MEGF10: variants seen among roughly 807,000 people sequenced by gnomAD.
MEGF10 encodes the protein multiple epidermal growth factor-like domains protein 10.
Under a neutral mutation model 147.5 loss-of-function variants are expected in MEGF10, and 86 were observed. That is an observed-to-expected ratio of 0.58 (90% confidence interval 0.49 to 0.70). The LOEUF (loss-of-function observed/expected upper bound fraction) is 0.70. MEGF10 is among the 30% of genes least tolerant of loss of function. MEGF10 has a pLI of 0.00. For missense variants in MEGF10, 1,329 were observed against 1,487.3 expected, an observed-to-expected ratio of 0.89 and a Z score of 1.75; for synonymous variants, 478 against 525.5, an observed-to-expected ratio of 0.91 and a Z score of 1.24.
At chr5:127,454,147 G>A (rs979232961) in intron 22 of MEGF10, among the ~76,000 whole-genome samples, 4 of 152,196 alleles carry the variant, frequency 2.6e-5, no homozygotes, top group African/African-American at 9.6e-5. Context: ...CATGCTTATA[G>A]TGAAGACAAT....
intron 1 of MEGF10, among the ~76,000 whole-genome samples, chr5:127,313,201 A>C (rs1012768832): frequency 3.9e-5 from 6 of 152,166 alleles, no homozygotes; most frequent in Admixed American, 1.3e-4. Context: ...ACACGGCTCT[A>C]TGGGATCGTG....
At chr5:127,243,966 G>C in the MEGF10 span, among the ~76,000 whole-genome samples, 13,391 of 152,000 alleles carry the variant, frequency 0.088, 915 homozygotes, top group African/African-American at 0.19. Flanking sequence ...GGAGGTGGAG[G>C]CAGGCGGATC....
chr5:127,231,015 A>G, the MEGF10 span, among the ~76,000 whole-genome samples: 10 of 152,092 alleles, frequency 6.6e-5, no homozygotes, highest in Non-Finnish European at 1.5e-4. Flanking sequence ...CTTTTAGCCC[A>G]AATCTGGACA....
the MEGF10 span, among the ~76,000 whole-genome samples, chr5:127,255,066 G>C: frequency 0.047 from 7,128 of 151,766 alleles, 277 homozygotes; most frequent in African/African-American, 0.1. Flanking sequence ...CTGTTGATTG[G>C]TTGGGGATGA....
At chr5:127,440,441 G>A (rs980447899) in intron 17 of MEGF10, among the ~76,000 whole-genome samples, 3 of 152,154 alleles carry the variant, frequency 2.0e-5, no homozygotes, top group Admixed American at 2.0e-4. Context: ...ATTCTTCCAG[G>A]ATTGAAGGGA....
At chr5:127,364,115 T>C (rs1232154998) in intron 4 of MEGF10, among the ~76,000 whole-genome samples, 1 of 152,224 alleles carries the variant, frequency 6.6e-6, no homozygotes, top group Non-Finnish European at 1.5e-5. Context: ...TTATAACAGT[T>C]TTGTTGAGAT....
intron 1 of MEGF10, among the ~76,000 whole-genome samples, chr5:127,295,919 G>C (rs556995554): frequency 3.5e-4 from 53 of 152,210 alleles, no homozygotes; most frequent in Middle Eastern, 6.8e-3. Context: ...TTCTAGCTTA[G>C]CATAAGCCTG....
intron 4 of MEGF10, among the ~76,000 whole-genome samples, chr5:127,364,535 A>G (rs186416346): frequency 6.6e-6 from 1 of 152,350 alleles, no homozygotes; most frequent in East Asian, 1.9e-4. Flanking sequence ...GTGCATCAGT[A>G]CATATTAAAC....
At chr5:127,264,197 TGTG>T in the MEGF10 span, among the ~76,000 whole-genome samples, 3 of 152,144 alleles carry the variant, frequency 2.0e-5, no homozygotes, top group Non-Finnish European at 4.4e-5. Context: ...AACTCAAGGA[TGTG>T]GTATCAATAT....
intron 4 of MEGF10, among the ~76,000 whole-genome samples, chr5:127,369,309 A>T (rs990103802): frequency 6.6e-6 from 1 of 152,136 alleles, no homozygotes; most frequent in African/African-American, 2.4e-5. Context: ...GAGTACACCT[A>T]AGATCTTTAC....
the MEGF10 span, among the ~76,000 whole-genome samples, chr5:127,272,819 A>G: frequency 1.3e-5 from 2 of 152,210 alleles, no homozygotes; most frequent in Non-Finnish European, 2.9e-5. Context: ...CAGCTTAAGA[A>G]GCTTTTAGGT....
At chr5:127,282,735 G>A in the MEGF10 span, among the ~76,000 whole-genome samples, 1 of 152,130 alleles carries the variant, frequency 6.6e-6, no homozygotes, top group Non-Finnish European at 1.5e-5. Flanking sequence ...CCACTTTTCT[G>A]TGCTTCTGGA....
chr5:127,386,717 T>C (rs1763449385), intron 5 of MEGF10, among the ~76,000 whole-genome samples: 1 of 152,234 alleles, frequency 6.6e-6, no homozygotes, highest in Non-Finnish European at 1.5e-5. Context: ...CTTTCTGGCA[T>C]GAATGATTCA....
At chr5:127,290,312 C>A (rs559470187), upstream of MEGF10, among the ~76,000 whole-genome samples, 5 of 152,246 alleles carry the variant, frequency 3.3e-5, no homozygotes, top group African/African-American at 1.2e-4. Context: ...TAATCACCAT[C>A]CTTTCTGGGT....
At chr5:127,275,995 A>G in the MEGF10 span, among the ~76,000 whole-genome samples, 1 of 152,240 alleles carries the variant, frequency 6.6e-6, no homozygotes, top group South Asian at 2.1e-4. Context: ...TGGGTCAGCC[A>G]GCCCAAAGGG....
At chr5:127,326,411 A>G (rs181431640) in intron 1 of MEGF10, among the ~76,000 whole-genome samples, 310 of 152,304 alleles carry the variant, frequency 2.0e-3, no homozygotes, top group South Asian at 0.016. Context: ...ATAATATGTT[A>G]TTAGAATAAC....
At chr5:127,283,647 G>A in the MEGF10 span, among the ~76,000 whole-genome samples, 3 of 152,154 alleles carry the variant, frequency 2.0e-5, no homozygotes, top group South Asian at 2.1e-4. Context: ...AAGCATCCAC[G>A]TAGGAGTTTG....
At chr5:127,388,979 G>A (rs1258364061) in intron 5 of MEGF10, among the ~76,000 whole-genome samples, 1 of 152,158 alleles carries the variant, frequency 6.6e-6, no homozygotes, top group East Asian at 1.9e-4. Context: ...TTGTTGCTCT[G>A]CCTTAGAAAG....
At chr5:127,236,054 C>A in the MEGF10 span, among the ~76,000 whole-genome samples, 2 of 152,136 alleles carry the variant, frequency 1.3e-5, no homozygotes, top group East Asian at 3.9e-4. Flanking sequence ...CTCACTCCAA[C>A]CTCTGCCTCC....
Sources: gnomAD v4.1 joint callset for allele counts (sites outside exome capture counted in the v4.1 genomes callset) on GRCh38, gnomAD v4.1.1 for gene constraint, MANE v1.5 for transcripts, NCBI Gene and HGNC (gene_info 2026-07-23, HGNC 2026-07-21) for gene names.